Variants in RALYL observed in about 807,000 individuals in gnomAD.
RALYL encodes the protein RALY RNA binding protein like.
RALYL carries 29 observed loss-of-function variants against 35.1 expected under a neutral mutation model. That is an observed-to-expected ratio of 0.83 (90% CI 0.61 to 1.13). The LOEUF is 1.13. Among genes scored for constraint, RALYL ranks in the 50% most tolerant of loss-of-function variants. The pLI is 0.00. For missense variants in RALYL, 359 were observed against 360.4 expected (o/e 1.00, Z 0.03); for synonymous variants, 120 against 127.6 (o/e 0.94, Z 0.40).
chr8:84,261,713 G>T (rs181983983), intron 1 of RALYL, among the ~76,000 whole-genome samples: 2 of 151,772 alleles, frequency 1.3e-5, no homozygotes, highest in East Asian at 3.9e-4. Context: ...ATCTGAGCTT[G>T]CTTTTATTAA....
At chr8:84,794,366 C>T (rs1019282722) in intron 3 of RALYL, among the ~76,000 whole-genome samples, 18 of 152,284 alleles carry the variant, frequency 1.2e-4, no homozygotes, top group Non-Finnish European at 2.4e-4. Context: ...TACCTCCTTC[C>T]CCAGGCTGCA....
At chr8:84,480,107 A>C (rs1238297811) in intron 1 of RALYL, among the ~76,000 whole-genome samples, 2 of 152,130 alleles carry the variant, frequency 1.3e-5, no homozygotes, top group Admixed American at 1.3e-4. Context: ...CTGACTCGTT[A>C]TTCTTATTGT....
chr8:84,255,898 C>G (rs1234721192), intron 1 of RALYL, among the ~76,000 whole-genome samples: 4 of 151,812 alleles, frequency 2.6e-5, no homozygotes, highest in African/African-American at 4.8e-5. Flanking sequence ...ATATTTTTTC[C>G]CTTTTATAAC....
At chr8:84,801,716 G>A (rs1025706058) in intron 3 of RALYL, among the ~76,000 whole-genome samples, 2 of 152,160 alleles carry the variant, frequency 1.3e-5, no homozygotes, top group African/African-American at 4.8e-5. Context: ...TAGTTTTTCT[G>A]GAATGAAGTG....
At chr8:84,473,424 C>CA (rs1266850935) in intron 1 of RALYL, among the ~76,000 whole-genome samples, 1 of 151,282 alleles carries the variant, frequency 6.6e-6, no homozygotes, top group Middle Eastern at 3.3e-3. Flanking sequence ...AAGAGCTAAA[C>CA]AAAAAAATTG....
chr8:84,562,827 A>G (rs746690267), intron 2 of RALYL, among the ~76,000 whole-genome samples: 5 of 151,946 alleles, frequency 3.3e-5, no homozygotes, highest in Non-Finnish European at 7.4e-5. Flanking sequence ...GGGAGGCATT[A>G]CGCTAATCTA....
At chr8:84,472,323 A>C (rs1211577493) in intron 1 of RALYL, among the ~76,000 whole-genome samples, 1 of 152,182 alleles carries the variant, frequency 6.6e-6, no homozygotes, top group African/African-American at 2.4e-5. Flanking sequence ...CAGGACAAAA[A>C]GAGGATGTTG....
intron 2 of RALYL, among the ~76,000 whole-genome samples, chr8:84,768,020 A>G (rs1034939934): frequency 6.6e-6 from 1 of 152,242 alleles, no homozygotes; most frequent in Non-Finnish European, 1.5e-5. Flanking sequence ...TTGTAAATCC[A>G]GAAAACAAAG....
At chr8:84,267,266 T>C (rs1003587091) in intron 1 of RALYL, among the ~76,000 whole-genome samples, 8 of 152,182 alleles carry the variant, frequency 5.3e-5, no homozygotes, top group Non-Finnish European at 1.2e-4. Context: ...TGAGAATCCC[T>C]CAAAATATCC....
In RALYL at chr8:84,887,701, A is replaced by C; in HGVS notation, c.783A>C (p.Gly261=). The change falls in exon 8 of 9, where the codon GGA becomes GGC. Residue 261 remains glycine, a synonymous_variant. Transcript: ENST00000521268. ...ACTCTACAGAGGAGCCTGCTGAAGG[A>C]GGGCCAGATGCCGATGGAGAAGAGA... is the stretch of plus-strand genomic sequence containing the variant. ...ADHSTEEPAE[G]GPDADGEEMT... is the part of the protein sequence containing the mutation. 2 of 1,613,898 alleles carry C rather than the reference A, an allele frequency of 1.2e-6. No individual in the cohort carries two copies. The highest frequency in any genetic ancestry group is 2.2e-5 in the South Asian group (2 of 91,084).
At chr8:84,395,424 G>A (rs918749110) in intron 1 of RALYL, among the ~76,000 whole-genome samples, 6 of 151,806 alleles carry the variant, frequency 4.0e-5, no homozygotes, top group African/African-American at 1.4e-4. Flanking sequence ...ATTTTGAGTT[G>A]AAAATACGTG....
intron 2 of RALYL, among the ~76,000 whole-genome samples, chr8:84,627,570 G>T (rs1406676972): frequency 1.3e-5 from 2 of 150,312 alleles, no homozygotes; most frequent in South Asian, 2.1e-4. Context: ...TTCTTCCTGT[G>T]TTCTCCTAGA....
chr8:84,774,516 AT>A, intron 2 of RALYL, 62 bp from the exon 3 acceptor site: 1 of 1,050,840 alleles, frequency 9.5e-7, no homozygotes, highest in Non-Finnish European at 1.4e-6. Context: ...AAAGTTCATG[AT>A]TTACTTTTCT....
At chr8:84,544,884 G>A (rs1347949870) in intron 2 of RALYL, among the ~76,000 whole-genome samples, 3 of 151,922 alleles carry the variant, frequency 2.0e-5, no homozygotes, top group Non-Finnish European at 2.9e-5. Flanking sequence ...ATGATGATAA[G>A]TAGTATCTCA....
intron 5 of RALYL, among the ~76,000 whole-genome samples, chr8:84,856,143 G>A (rs1412873464): frequency 6.6e-6 from 1 of 152,160 alleles, no homozygotes; most frequent in Admixed American, 6.5e-5. Context: ...TGGTACACTT[G>A]ACAAATGGTA....
At chr8:84,794,084 G>T (rs1821382523) in intron 3 of RALYL, among the ~76,000 whole-genome samples, 1 of 152,162 alleles carries the variant, frequency 6.6e-6, no homozygotes, top group African/African-American at 2.4e-5. Flanking sequence ...GAAGAGTATG[G>T]AATGGATGGG....
intron 2 of RALYL, among the ~76,000 whole-genome samples, chr8:84,566,702 A>T (rs371311571): frequency 5.3e-5 from 8 of 151,666 alleles, no homozygotes; most frequent in African/African-American, 1.7e-4. Flanking sequence ...TAACCTTGAG[A>T]GTACATAATC....
intron 1 of RALYL, among the ~76,000 whole-genome samples, chr8:84,284,665 G>C (rs1837260668): frequency 6.6e-6 from 1 of 152,242 alleles, no homozygotes; most frequent in Admixed American, 6.5e-5. Context: ...TCACAGTCAG[G>C]CTGGGCATCT....
At chr8:84,785,322 G>A (rs1018345901) in intron 3 of RALYL, among the ~76,000 whole-genome samples, 1 of 152,110 alleles carries the variant, frequency 6.6e-6, no homozygotes, top group Non-Finnish European at 1.5e-5. Flanking sequence ...CAACTAAGTT[G>A]TGTATCTGCT....
Sources: allele counts gnomAD v4.1 joint callset (sites outside exome capture counted in the v4.1 genomes callset), GRCh38; gene constraint gnomAD v4.1.1; transcripts MANE v1.5; gene names NCBI Gene and HGNC (gene_info 2026-07-23, HGNC 2026-07-21).